The following NBEA variants were observed in gnomAD, a reference collection of about 807,000 sequenced individuals.
NBEA encodes lysosomal-trafficking regulator 2.
A neutral mutation model predicts 343.4 loss-of-function variants in NBEA; 44 were observed. That is an observed-to-expected ratio of 0.13 (90% confidence interval 0.10 to 0.16). The LOEUF (loss-of-function observed/expected upper bound fraction) is 0.16. Among genes scored for constraint, NBEA ranks in the 10% least tolerant of loss-of-function variants. NBEA has a pLI of 1.00. For synonymous variants in NBEA, 1,175 were observed against 1,238.7 expected (o/e 0.95, Z 1.08); for missense variants, 2,555 against 3,631.3 (o/e 0.70, Z 7.62).
chr13:35,618,429 A>C (rs185989636), intron 48 of NBEA, among the ~76,000 whole-genome samples: 3 of 152,162 alleles, frequency 2.0e-5, no homozygotes, highest in African/African-American at 4.8e-5. Flanking sequence ...TTATTTTTTT[A>C]AAAAATGAAG....
At chr13:35,266,899 C>G (rs1035936455) in intron 34 of NBEA, among the ~76,000 whole-genome samples, 1 of 151,820 alleles carries the variant, frequency 6.6e-6, no homozygotes, top group Non-Finnish European at 1.5e-5. Context: ...TACTACTAGC[C>G]TTCTATTGAC....
In NBEA at chr13:35,148,212, A is replaced by T. The variant is rs200116634; in HGVS notation, c.2445+5835A>T. On this transcript the variant is annotated intron_variant, in intron 18 of 58. Coordinates refer to ENST00000379939, the MANE Select transcript of NBEA (RefSeq NM_001385012.1). ...AGATTTCTTGCAAAGAGAAAAGTAC[A>T]AACTCAAGAAAGGGGAGTGTGGGTG... Among the ~76,000 whole-genome samples the T allele has an allele frequency of 2.6e-5, 4 of 152,332 alleles. No individual in the cohort carries two copies. The East Asian group carries it at 7.7e-4, about 29-fold the overall frequency.
At chr13:35,579,738 G>A (rs61612422) in intron 45 of NBEA, among the ~76,000 whole-genome samples, 5,137 of 152,138 alleles carry the variant, frequency 0.034, 317 homozygotes, top group African/African-American at 0.12. Flanking sequence ...TTAAGATCAC[G>A]TAAATCCCCA....
chr13:35,170,123 CA>C (rs2070348787), intron 25 of NBEA, among the ~76,000 whole-genome samples: 2 of 151,664 alleles, frequency 1.3e-5, no homozygotes, highest in African/African-American at 2.4e-5. Flanking sequence ...ACTTTGTGCA[CA>C]AGAAATGTTT....
chr13:35,496,228 TC>T (rs1238250202), intron 41 of NBEA, among the ~76,000 whole-genome samples: 1 of 151,984 alleles, frequency 6.6e-6, no homozygotes, highest in Admixed American at 6.6e-5. Context: ...TAAGGGATCC[TC>T]CCACCTCAGC....
intron 39 of NBEA, among the ~76,000 whole-genome samples, chr13:35,445,812 ATATATG>A (rs1399070411): frequency 4.0e-5 from 4 of 100,184 alleles, no homozygotes; most frequent in South Asian, 3.0e-4. Flanking sequence ...ATATATATAT[ATATATG>A]TATATATATA....
chr13:35,167,370 T>C (rs1174859295), intron 24 of NBEA, among the ~76,000 whole-genome samples: 1 of 151,946 alleles, frequency 6.6e-6, no homozygotes, highest in Non-Finnish European at 1.5e-5. Flanking sequence ...TATAGTATCA[T>C]CATCATGGAA....
intron 38 of NBEA, among the ~76,000 whole-genome samples, chr13:35,400,377 T>G (rs2042949177): frequency 6.6e-6 from 1 of 151,978 alleles, no homozygotes; most frequent in African/African-American, 2.4e-5. Flanking sequence ...ATTGTAAGAA[T>G]TATATGTTTA....
intron 22 of NBEA, among the ~76,000 whole-genome samples, chr13:35,160,950 T>G (rs2069511659): frequency 6.6e-6 from 1 of 152,218 alleles, no homozygotes. Context: ...TTGAATGTGT[T>G]TCCATTAGGT....
chr13:34,995,712 A>C (rs773348664), intron 1 of NBEA, among the ~76,000 whole-genome samples: 1 of 152,232 alleles, frequency 6.6e-6, no homozygotes, highest in Non-Finnish European at 1.5e-5. Context: ...TGTAACTAAT[A>C]AACTCAGCTT....
At chr13:35,031,816 T>C (rs1027254047) in intron 1 of NBEA, among the ~76,000 whole-genome samples, 1 of 151,596 alleles carries the variant, frequency 6.6e-6, no homozygotes, top group Non-Finnish European at 1.5e-5. Context: ...CACCTTCAAA[T>C]AGAACCCAGT....
At chr13:35,155,933 C>A (rs2069141748) in intron 19 of NBEA, 78 bp downstream of exon 19, 2 of 1,502,678 alleles carry the variant, frequency 1.3e-6, no homozygotes, top group African/African-American at 1.4e-5. Flanking sequence ...CTTTTCCTAA[C>A]CCCTTAAATC....
Position 35,645,950 on chromosome 13 carries a change from G to A in NBEA, c.7680+19G>A, listed in dbSNP as rs1462078292. On this transcript the variant is annotated intron_variant, in intron 50 of 58. Transcript: ENST00000379939. ...TATTAAGGTATATGTTCTGTATTTA[G>A]TGTGGAAAGTGTTCTTTGGTCTTTA... 1 of 1,466,148 alleles carries A rather than the reference G, an allele frequency of 6.8e-7. No homozygotes were observed. 90.8% of individuals were successfully genotyped at this position (1,466,148 alleles called of 1,614,324 possible).
In NBEA at chr13:35,472,470, C is replaced by T. The variant is rs758720658; in HGVS notation, c.6519C>T (p.Ile2173=). The T allele has an allele frequency of 1.2e-6, 2 of 1,614,002 alleles. No homozygotes were observed. The highest frequency in any genetic ancestry group is 1.7e-6 in the Non-Finnish European group (2 of 1,179,892). The part of the protein sequence containing the change: ...PVVVAKGTLS[I]TTTEIYFEVD... ...TGGTGGCCAAGGGGACTCTCTCCAT[C>T]ACCACGACAGAAATCTACTTCGAGG... The change falls in exon 41 of 59, where the codon ATC becomes ATT. Residue 2173 remains isoleucine, a synonymous_variant. Coordinates refer to ENST00000379939, the MANE Select transcript of NBEA (RefSeq NM_001385012.1).
chr13:35,010,215 G>A (rs1229052009), intron 1 of NBEA, among the ~76,000 whole-genome samples: 1 of 152,126 alleles, frequency 6.6e-6, no homozygotes, highest in Admixed American at 6.6e-5. Flanking sequence ...AGGGGTGAAT[G>A]TGAATAGAGA....
intron 36 of NBEA, among the ~76,000 whole-genome samples, chr13:35,321,863 A>G (rs933305782): frequency 6.6e-6 from 1 of 152,196 alleles, no homozygotes; most frequent in African/African-American, 2.4e-5. Context: ...GGCTCCGCCC[A>G]GTTGAAACTT....
At chr13:35,086,618 A>G (rs1021398272) in intron 10 of NBEA, among the ~76,000 whole-genome samples, 6 of 151,944 alleles carry the variant, frequency 3.9e-5, no homozygotes, top group Non-Finnish European at 7.4e-5. Flanking sequence ...TGTGTTAAAC[A>G]TGTGAGTGCG....
At chr13:35,640,165 T>A (rs2083876511) in intron 49 of NBEA, among the ~76,000 whole-genome samples, 1 of 152,216 alleles carries the variant, frequency 6.6e-6, no homozygotes, top group African/African-American at 2.4e-5. Context: ...TAAGCAAATG[T>A]GCAACACATA....
chr13:35,660,245 A>G (rs2085020848), intron 55 of NBEA, among the ~76,000 whole-genome samples: 1 of 152,202 alleles, frequency 6.6e-6, no homozygotes, highest in Non-Finnish European at 1.5e-5. Context: ...ATACATTGGG[A>G]CTTCAGCTCA....
Sources: gnomAD v4.1 joint callset for allele counts (sites outside exome capture counted in the v4.1 genomes callset) on GRCh38, gnomAD v4.1.1 for gene constraint, MANE v1.5 for transcripts, NCBI Gene and HGNC (gene_info 2026-07-23, HGNC 2026-07-21) for gene names.